TENM1: variants seen among roughly 807,000 people sequenced by gnomAD.
TENM1 encodes the protein teneurin transmembrane protein 1.
A neutral mutation model predicts 174.8 loss-of-function variants in TENM1; 35 were observed. The observed-to-expected ratio is 0.20, with a 90% CI of 0.15 to 0.27. The LOEUF is 0.27. Among genes scored for constraint, TENM1 ranks in the 10% least tolerant of loss-of-function variants. The pLI is 1.00. For missense variants in TENM1, 1,633 were observed against 2,130.1 expected (o/e 0.77, Z 4.59); for synonymous variants, 781 against 798.7 (o/e 0.98, Z 0.37).
the TENM1 span, among the ~76,000 whole-genome samples, chrX:125,074,738 C>G: frequency 9.0e-6 from 1 of 111,060 alleles, no homozygotes; most frequent in African/African-American, 3.3e-5. Context: ...CTAGTCAGCT[C>G]TATAGTAAGA....
the TENM1 span, among the ~76,000 whole-genome samples, chrX:125,032,280 C>G: frequency 3.6e-5 from 4 of 110,107 alleles, no homozygotes; most frequent in East Asian, 1.1e-3. Context: ...AGCTATTCTC[C>G]TATCTCAGCC....
the TENM1 span, among the ~76,000 whole-genome samples, chrX:125,116,940 G>A: frequency 1.9e-5 from 2 of 105,069 alleles, no homozygotes; most frequent in South Asian, 9.2e-4. Context: ...GAACCCAGGA[G>A]ATGGAGATTG....
intron 3 of TENM1, among the ~76,000 whole-genome samples, chrX:124,829,984 G>A (rs1254012060): frequency 8.9e-6 from 1 of 112,225 alleles, no homozygotes; most frequent in African/African-American, 3.2e-5. Flanking sequence ...TAGTACTATC[G>A]GTGGCACTTG....
At chrX:125,172,324 C>G in the TENM1 span, among the ~76,000 whole-genome samples, 1 of 106,353 alleles carries the variant, frequency 9.4e-6, no homozygotes, top group Admixed American at 9.9e-5. Flanking sequence ...CAACCTCACC[C>G]CCCCCCATTT....
intron 5 of TENM1, among the ~76,000 whole-genome samples, chrX:124,704,423 A>G (rs1304879491): frequency 8.9e-6 from 1 of 112,133 alleles, no homozygotes; most frequent in Non-Finnish European, 1.9e-5. Flanking sequence ...GTGACTCAAG[A>G]ACAACAACAT....
chrX:124,676,223 A>C (rs1464628875), intron 5 of TENM1, among the ~76,000 whole-genome samples: 1 of 84,540 alleles, frequency 1.2e-5, no homozygotes, highest in African/African-American at 4.1e-5. Context: ...ACTGTAAGCA[A>C]GGTCAAAGTT....
chrX:124,962,045 A>G (rs1258345676), intron 1 of TENM1, among the ~76,000 whole-genome samples: 1 of 111,829 alleles, frequency 8.9e-6, no homozygotes, highest in African/African-American at 3.3e-5. Flanking sequence ...GAATGGGAGC[A>G]TCATTAACAG....
chrX:124,649,156 C>A (rs1378937525), intron 8 of TENM1, among the ~76,000 whole-genome samples: 8 of 112,148 alleles, frequency 7.1e-5, no homozygotes, highest in Admixed American at 1.9e-4. Context: ...TCTTTTAAAT[C>A]TTACTTCAGA....
At chrX:124,803,333 A>G (rs183715244) in intron 3 of TENM1, among the ~76,000 whole-genome samples, 358 of 111,919 alleles carry the variant, frequency 3.2e-3, no homozygotes, top group Non-Finnish European at 5.1e-3. Flanking sequence ...TCAAGTTGGC[A>G]TGTATTCTTT....
chrX:125,123,515 A>T, the TENM1 span, among the ~76,000 whole-genome samples: 28 of 111,257 alleles, frequency 2.5e-4, no homozygotes, highest in Non-Finnish European at 3.4e-4. Context: ...AGGCTGAGGT[A>T]AGAGGATCTC....
At chrX:124,775,770 T>C (rs1411582554) in intron 3 of TENM1, among the ~76,000 whole-genome samples, 1 of 111,951 alleles carries the variant, frequency 8.9e-6, no homozygotes, top group Non-Finnish European at 1.9e-5. Context: ...CTGAACTGCT[T>C]GTTATGGTAG....
intron 11 of TENM1, among the ~76,000 whole-genome samples, chrX:124,626,478 G>A (rs2050639795): frequency 9.0e-6 from 1 of 111,698 alleles, no homozygotes; most frequent in South Asian, 3.7e-4. Flanking sequence ...CAGATGTCAG[G>A]TGGACTGCTG....
chrX:125,121,670 A>T, the TENM1 span, among the ~76,000 whole-genome samples: 2 of 112,159 alleles, frequency 1.8e-5, no homozygotes, highest in South Asian at 7.4e-4. Flanking sequence ...GTTTTTGGGT[A>T]AAAAGCATCC....
intron 11 of TENM1, among the ~76,000 whole-genome samples, chrX:124,637,329 G>A (rs1168950502): frequency 1.8e-5 from 2 of 110,241 alleles, no homozygotes; most frequent in Admixed American, 1.9e-4. Context: ...ACCTCGTGAT[G>A]CACCTGCCTT....
At chrX:124,754,863 T>C (rs1391358933) in intron 3 of TENM1, among the ~76,000 whole-genome samples, 1 of 106,837 alleles carries the variant, frequency 9.4e-6, no homozygotes, top group Non-Finnish European at 1.9e-5. Context: ...CAGTTTGTTA[T>C]AGTTTCTGTT....
chrX:124,842,521 AC>A (rs1357429108), intron 3 of TENM1, among the ~76,000 whole-genome samples: 7 of 111,373 alleles, frequency 6.3e-5, no homozygotes, highest in Admixed American at 9.5e-5. Flanking sequence ...TAAATAACAG[AC>A]ATTTACTTTC....
chrX:124,963,453 AT>A (rs1334794220), intron 1 of TENM1, 83 bp downstream of exon 4: 1 of 890,458 alleles, frequency 1.1e-6, no homozygotes, highest in African/African-American at 2.0e-5. Flanking sequence ...ACATTAGCAA[AT>A]TTATTTTTGA....
At chrX:124,603,428 C>T (rs187952520) in intron 11 of TENM1, among the ~76,000 whole-genome samples, 313 of 111,546 alleles carry the variant, frequency 2.8e-3, no homozygotes, top group African/African-American at 9.5e-3. Flanking sequence ...CTGAATGATG[C>T]AAATGAATTA....
At chrX:125,026,200 G>GAAAA in the TENM1 span, among the ~76,000 whole-genome samples, 4 of 97,743 alleles carry the variant, frequency 4.1e-5, no homozygotes, top group African/African-American at 1.5e-4. Flanking sequence ...AAAGGCAAAG[G>GAAAA]AAAAAAAAAA....
Sources: gnomAD v4.1 joint callset for allele counts (sites outside exome capture counted in the v4.1 genomes callset) on GRCh38, gnomAD v4.1.1 for gene constraint, MANE v1.5 for transcripts, NCBI Gene and HGNC (gene_info 2026-07-23, HGNC 2026-07-21) for gene names.